The following IMMP2L variants were observed in gnomAD, a reference collection of about 807,000 sequenced individuals.
IMMP2L encodes inner mitochondrial membrane peptidase subunit 2, also known as mitochondrial inner membrane protease subunit 2.
IMMP2L carries 18 observed loss-of-function variants against 19.3 expected under a neutral mutation model. The observed-to-expected ratio is 0.93, with a 90% CI of 0.64 to 1.38. The LOEUF is 1.38. Among genes scored for constraint, IMMP2L ranks in the 40% most tolerant of loss-of-function variants. The pLI is 0.00. For synonymous variants in IMMP2L, 76 were observed against 73.0 expected, an observed-to-expected ratio of 1.04 and a Z score of -0.21; for missense variants, 233 against 218.2, an observed-to-expected ratio of 1.07 and a Z score of -0.43.
At chr7:111,327,262 A>G (rs1233588353) in intron 3 of IMMP2L, among the ~76,000 whole-genome samples, 2 of 151,776 alleles carry the variant, frequency 1.3e-5, no homozygotes. Flanking sequence ...TTGCTGTCCA[A>G]CTGGTATAAA....
chr7:110,971,055 C>G (rs769957100), intron 3 of IMMP2L, among the ~76,000 whole-genome samples: 5 of 152,102 alleles, frequency 3.3e-5, no homozygotes, highest in African/African-American at 1.2e-4. Flanking sequence ...ACAGAGAAGG[C>G]AAACCAACTG....
At chr7:111,416,458 T>A (rs1295019436) in intron 3 of IMMP2L, among the ~76,000 whole-genome samples, 1 of 151,846 alleles carries the variant, frequency 6.6e-6, no homozygotes, top group East Asian at 1.9e-4. Context: ...TTTGAACCAC[T>A]AGAATTAGCA....
At chr7:111,084,676 G>A (rs1335847284) in intron 3 of IMMP2L, among the ~76,000 whole-genome samples, 2 of 152,164 alleles carry the variant, frequency 1.3e-5, no homozygotes, top group Non-Finnish European at 2.9e-5. Flanking sequence ...GTGCAGACAA[G>A]CATGAAGATG....
At chr7:111,062,202 G>A (rs1380910992) in intron 3 of IMMP2L, among the ~76,000 whole-genome samples, 2 of 152,162 alleles carry the variant, frequency 1.3e-5, no homozygotes, top group African/African-American at 2.4e-5. Context: ...CCACATGGCT[G>A]GGGAGGCCTC....
At chr7:110,703,193 T>A (rs1460497178) in intron 5 of IMMP2L, among the ~76,000 whole-genome samples, 2 of 152,178 alleles carry the variant, frequency 1.3e-5, no homozygotes, top group South Asian at 4.1e-4. Flanking sequence ...CAGTTGAAAT[T>A]ATCTTATGGT....
chr7:111,324,006 G>A (rs747875508), intron 3 of IMMP2L, among the ~76,000 whole-genome samples: 2 of 151,950 alleles, frequency 1.3e-5, no homozygotes, highest in Non-Finnish European at 2.9e-5. Context: ...TGGTGGGAGT[G>A]GGGAGGGATA....
intron 3 of IMMP2L, among the ~76,000 whole-genome samples, chr7:111,141,197 C>T (rs1457597827): frequency 6.6e-6 from 1 of 151,892 alleles, no homozygotes; most frequent in Non-Finnish European, 1.5e-5. Context: ...TCTGGTGTTA[C>T]CACCAAATTC....
At position 110,694,711 on chromosome 7, in the gene IMMP2L, G is replaced by A. The variant is rs189662615; in HGVS notation, c.409-30990C>T. Among the ~76,000 whole-genome samples, 5 of 152,190 alleles carry A rather than the reference G, an allele frequency of 3.3e-5. No individual in the cohort carries two copies. In the East Asian group the frequency reaches 9.7e-4, roughly 29 times the overall value. ...TTAAACATAGAATTTATATATGATC[G>A]AGCAATTTCACTCCTAGGTATATAT... On this transcript the variant is annotated intron_variant, in intron 5 of 5. Transcript: ENST00000405709.
At chr7:110,679,179 G>C (rs1029106535) in intron 5 of IMMP2L, among the ~76,000 whole-genome samples, 1 of 152,074 alleles carries the variant, frequency 6.6e-6, no homozygotes, top group African/African-American at 2.4e-5. Context: ...GCCTCCGGGG[G>C]TATCTCCAGC....
intron 5 of IMMP2L, among the ~76,000 whole-genome samples, chr7:110,702,264 G>A (rs568380907): frequency 2.8e-4 from 42 of 152,042 alleles, no homozygotes; most frequent in South Asian, 8.3e-4. Flanking sequence ...CTTGTTGAAC[G>A]GTCGCACTTG....
intron 5 of IMMP2L, among the ~76,000 whole-genome samples, chr7:110,873,928 AG>A (rs1343243777): frequency 6.6e-6 from 1 of 152,134 alleles, no homozygotes; most frequent in Non-Finnish European, 1.5e-5. Flanking sequence ...CCTCTTAAGG[AG>A]GGGCTACTAC....
chr7:110,783,213 T>C (rs570717609), intron 5 of IMMP2L, among the ~76,000 whole-genome samples: 57 of 151,994 alleles, frequency 3.8e-4, no homozygotes, highest in Middle Eastern at 3.4e-3. Flanking sequence ...AGTTTTGTCA[T>C]TGTGGAGCCC....
chr7:111,368,428 C>T (rs1829986437), intron 3 of IMMP2L, among the ~76,000 whole-genome samples: 2 of 151,954 alleles, frequency 1.3e-5, no homozygotes, highest in South Asian at 2.1e-4. Context: ...GACACATTCT[C>T]TCAAGACTTA....
chr7:111,432,713 T>C lies in IMMP2L; in HGVS notation c.239+54525A>G, dbSNP rs140957180. ...TCAATATCATACTGGAAGTTCTCAC[T>C]AGAGCAATCAGGCAAGAGAAAATAT... On this transcript the variant is annotated intron_variant, in intron 3 of 5. Coordinates refer to ENST00000405709, the MANE Select transcript of IMMP2L (RefSeq NM_032549.4). 3.1e-3 allele frequency among the ~76,000 whole-genome samples: 464 copies of C among 151,486 alleles called. 11 individuals are homozygous for C. The South Asian group carries it at 0.041, about 13-fold the overall frequency.
At chr7:110,695,263 C>T (rs915400368) in intron 5 of IMMP2L, among the ~76,000 whole-genome samples, 2 of 152,154 alleles carry the variant, frequency 1.3e-5, no homozygotes, top group Admixed American at 6.5e-5. Flanking sequence ...ACAATTGTGG[C>T]TCACTGCAGT....
intron 3 of IMMP2L, among the ~76,000 whole-genome samples, chr7:111,002,509 C>T (rs1823818632): frequency 6.6e-6 from 1 of 152,102 alleles, no homozygotes; most frequent in Non-Finnish European, 1.5e-5. Context: ...TTCTCTAGAG[C>T]TTAGATGAGT....
At chr7:110,899,115 A>T (rs906303819) in intron 4 of IMMP2L, among the ~76,000 whole-genome samples, 8 of 152,014 alleles carry the variant, frequency 5.3e-5, no homozygotes, top group African/African-American at 1.9e-4. Context: ...AAACTATTTG[A>T]TCTTCAAAGT....
chr7:110,862,451 C>T (rs1807543740), intron 5 of IMMP2L, among the ~76,000 whole-genome samples: 1 of 151,390 alleles, frequency 6.6e-6, no homozygotes, highest in African/African-American at 2.4e-5. Context: ...GCGATCCTCC[C>T]ACATCAGACC....
At chr7:111,381,254 A>C in intron 3 of IMMP2L, among the ~76,000 whole-genome samples, 1 of 151,928 alleles carries the variant, frequency 6.6e-6, no homozygotes, top group Admixed American at 6.6e-5. Context: ...GACCTGTAAG[A>C]CATGGGAGTC....
Sources: allele counts gnomAD v4.1 joint callset (sites outside exome capture counted in the v4.1 genomes callset), GRCh38; gene constraint gnomAD v4.1.1; transcripts MANE v1.5; gene names NCBI Gene and HGNC (gene_info 2026-07-23, HGNC 2026-07-21).